PRPF3: variants seen among roughly 807,000 people sequenced by gnomAD.
The protein encoded by PRPF3 is pre-mRNA processing factor 3.
Under a neutral mutation model 89.2 loss-of-function variants are expected in PRPF3, and 3 were observed. That is an observed-to-expected ratio of 0.03 (90% CI 0.02 to 0.09). The LOEUF (loss-of-function observed/expected upper bound fraction) is 0.09, where lower values mean the gene tolerates loss of function less well. Among genes scored for constraint, PRPF3 ranks in the 10% least tolerant of loss-of-function variants. The pLI is 1.00. For synonymous variants in PRPF3, 270 were observed against 289.1 expected (o/e 0.93, Z 0.67); for missense variants, 463 against 828.8 (o/e 0.56, Z 5.42).
chr1:150,336,711 G>T (rs1553867937), intron 7 of PRPF3, among the ~76,000 whole-genome samples: 1 of 151,778 alleles, frequency 6.6e-6, no homozygotes, highest in African/African-American at 2.4e-5. Flanking sequence ...AGCTGAGATC[G>T]CACCACTGCA....
At chr1:150,347,554 AC>A (rs1264269677) in intron 14 of PRPF3, among the ~76,000 whole-genome samples, 6 of 151,968 alleles carry the variant, frequency 3.9e-5, no homozygotes, top group Admixed American at 1.3e-4. Flanking sequence ...ACATGGTGAA[AC>A]CCCGTCTCTA....
In PRPF3 at chr1:150,339,210, T is replaced by TA. The variant is rs782456463; in HGVS notation, c.1202+899dup. Among the ~76,000 whole-genome samples, 672 of 136,332 alleles carry TA rather than the reference T, an allele frequency of 4.9e-3. 9 individuals are homozygous for TA. Among genetic ancestry groups the TA allele is most frequent in the East Asian group, 0.035 (165 of 4,692 alleles). The allele number at this position is 136,332 out of a possible 152,430, so 89.4% of individuals were successfully genotyped here. A position where few individuals can be genotyped will look rare whatever the true frequency, so the allele number is the denominator to read the frequency against. On this transcript the variant is annotated intron_variant, in intron 8 of 15. Coordinates refer to ENST00000324862, the MANE Select transcript of PRPF3 (RefSeq NM_004698.4). The stretch of plus-strand genomic sequence containing the variant: ...GGTGAGACCTCGTTTCTACAAAGAT[T>TA]AAAAAAAAAAAAAAAGTAGCTGGGC...
At position 150,335,129 on chromosome 1, in the gene PRPF3, A is replaced by C; in HGVS notation, c.923A>C (p.Asn308Thr). 1 of 1,614,130 alleles carries C rather than the reference A, an allele frequency of 6.2e-7. No individual in the cohort carries two copies. The highest frequency in any genetic ancestry group is 2.2e-5 in the East Asian group (1 of 44,876). ...AAGCCATCAGAAGACATGGAATCCA[A>C]TACCTTTTTTGACCCCCGAGTCTCC... is the stretch of plus-strand genomic sequence containing the variant. ...KEKPSEDMES[N>T]TFFDPRVSIA... Residue 308 changes from asparagine to threonine, a missense_variant, in exon 7 of 16, where the codon AAT (asparagine) becomes ACT (threonine). Transcript: ENST00000324862.
chr1:150,341,563 G>A (rs1442011188), intron 9 of PRPF3, among the ~76,000 whole-genome samples: 1 of 151,868 alleles, frequency 6.6e-6, no homozygotes, highest in Admixed American at 6.6e-5. Flanking sequence ...GTGCCACCAC[G>A]CCCAGCTAAT....
At chr1:150,351,378 G>C (rs1253500997) in intron 15 of PRPF3, among the ~76,000 whole-genome samples, 2 of 151,940 alleles carry the variant, frequency 1.3e-5, no homozygotes, top group Non-Finnish European at 2.9e-5. Flanking sequence ...TAAAAAAAAA[G>C]GTTTTCATGT....
chr1:150,345,839 G>A (rs976005946), intron 12 of PRPF3, 179 bp from the exon 13 acceptor site: 3 of 687,636 alleles, frequency 4.4e-6, no homozygotes, highest in Non-Finnish European at 7.9e-6. Context: ...AAATGTAAGA[G>A]TGTGGAAATA....
At chr1:150,332,038 C>A (rs1444225780) in intron 4 of PRPF3, among the ~76,000 whole-genome samples, 1 of 151,976 alleles carries the variant, frequency 6.6e-6, no homozygotes, top group African/African-American at 2.4e-5. Flanking sequence ...TCCTGGCTAA[C>A]AGGGTGAAAC....
At chr1:150,345,693 A>T (rs1658211152) in intron 12 of PRPF3, 1 of 361,792 alleles carries the variant, frequency 2.8e-6, no homozygotes, top group Non-Finnish European at 5.3e-6. Flanking sequence ...GAGGACAAAA[A>T]GTCTGTAGGT....
chr1:150,345,731 G>A (rs967702723), intron 12 of PRPF3: 1 of 408,598 alleles, frequency 2.4e-6, no homozygotes, highest in Admixed American at 3.6e-5. Flanking sequence ...CAATGAGATT[G>A]TAAGTATTTT....
intron 4 of PRPF3, among the ~76,000 whole-genome samples, chr1:150,328,848 C>T (rs782253075): frequency 4.6e-5 from 7 of 151,614 alleles, no homozygotes; most frequent in Non-Finnish European, 7.4e-5. Context: ...CCACTGCGCC[C>T]GGCTAATTTT....
intron 7 of PRPF3, among the ~76,000 whole-genome samples, chr1:150,336,278 C>T (rs782196845): frequency 6.6e-6 from 1 of 152,022 alleles, no homozygotes; most frequent in African/African-American, 2.4e-5. Context: ...AGGGTTCGCG[C>T]TCCTCTGAGA....
intron 15 of PRPF3, among the ~76,000 whole-genome samples, chr1:150,350,209 T>C (rs1369490130): frequency 8.1e-5 from 12 of 148,300 alleles, no homozygotes; most frequent in Admixed American, 7.4e-4. Context: ...CCATTTCTTT[T>C]TTTTTTTTTT....
Position 150,333,140 on chromosome 1 carries a change from C to T in PRPF3, c.669C>T (p.Leu223=). ...IQAQLALKPG[L]IGNANMVGLA... is the part of the protein sequence containing the mutation. The stretch of plus-strand genomic sequence containing the variant: ...CCCAGCTGGCACTGAAGCCAGGACT[C>T]ATCGGCAATGCCAACATGGTGGGCC... Residue 223 remains leucine, a synonymous_variant, in exon 6 of 16, where the codon CTC becomes CTT. Transcript: ENST00000324862. 2 of 1,614,230 alleles carry T rather than the reference C, an allele frequency of 1.2e-6. No individual in the cohort carries two copies. The highest frequency in any genetic ancestry group is 1.1e-5 in the South Asian group (1 of 91,090).
chr1:150,335,831 C>T (rs1378554980), intron 7 of PRPF3, among the ~76,000 whole-genome samples: 1 of 143,858 alleles, frequency 7.0e-6, no homozygotes, highest in Non-Finnish European at 1.5e-5. Flanking sequence ...TGCAGTGGTA[C>T]AGTCTCAGCT....
intron 4 of PRPF3, among the ~76,000 whole-genome samples, chr1:150,330,653 C>G (rs587685172): frequency 1.3e-5 from 2 of 151,892 alleles, no homozygotes; most frequent in South Asian, 4.2e-4. Context: ...CCGTGCCAGG[C>G]CCAATGATGT....
At position 150,328,715 on chromosome 1, in the gene PRPF3, G is replaced by A. The variant is rs967589404; in HGVS notation, c.423+249G>A. 2.6e-5 allele frequency among the ~76,000 whole-genome samples: 4 copies of A among 151,770 alleles called. No individual in the cohort carries two copies. The East Asian group carries it at 5.8e-4, about 22-fold the overall frequency. ...TTAGAGGCACCCACCACCAAGCCTG[G>A]CTAATTTTTGTATTTTTAGTAGAGA... is the stretch of plus-strand genomic sequence containing the variant. On this transcript the variant is annotated intron_variant, in intron 4 of 15. Transcript: ENST00000324862.
chr1:150,343,909 G>A (rs1260385), intron 10 of PRPF3, among the ~76,000 whole-genome samples: 89,702 of 152,042 alleles, frequency 0.59, 26,940 homozygotes, highest in African/African-American at 0.62. Context: ...AATATGAAAG[G>A]AATTAAGTTC....
chr1:150,343,240 A>G (rs1443090811), intron 9 of PRPF3, 69 bp from the exon 10 acceptor site: 36 of 675,680 alleles, frequency 5.3e-5, no homozygotes, highest in East Asian at 1.3e-4. Context: ...AGAGAGAGAA[A>G]AAAAAAAAAT....
At chr1:150,340,159 A>G (rs1480484773) in intron 8 of PRPF3, among the ~76,000 whole-genome samples, 1 of 152,188 alleles carries the variant, frequency 6.6e-6, no homozygotes, top group African/African-American at 2.4e-5. Context: ...GCATGGTAGA[A>G]AAAAGGTTGA....
Sources: allele counts gnomAD v4.1 joint callset (sites outside exome capture counted in the v4.1 genomes callset), GRCh38; gene constraint gnomAD v4.1.1; transcripts MANE v1.5; gene names NCBI Gene and HGNC (gene_info 2026-07-23, HGNC 2026-07-21).